The following ADSS2 variants were observed in gnomAD, a reference collection of about 807,000 sequenced individuals.
The protein encoded by ADSS2 is adenylosuccinate synthase 2, also known as adenylosuccinate synthetase isozyme 2.
A neutral mutation model predicts 60.0 loss-of-function variants in ADSS2; 30 were observed. That is an observed-to-expected ratio of 0.50 (90% confidence interval 0.37 to 0.68). The LOEUF is 0.68. Ranked by LOEUF, ADSS2 falls within the 30% of genes least tolerant of loss-of-function variation. ADSS2 has a pLI of 0.00. For missense variants in ADSS2, 373 were observed against 554.8 expected (o/e 0.67, Z 3.29); for synonymous variants, 187 against 193.1 (o/e 0.97, Z 0.26).
intron 1 of ADSS2, among the ~76,000 whole-genome samples, chr1:244,443,027 G>A (rs1249683908): frequency 1.2e-4 from 18 of 152,112 alleles, no homozygotes. Context: ...GCTCCTACAT[G>A]GGCCCATGGG....
At chr1:244,419,271 C>T (rs758352766) in intron 8 of ADSS2, 11 of 161,982 alleles carry the variant, frequency 6.8e-5, no homozygotes, top group Non-Finnish European at 1.5e-4. Context: ...AAATATGACT[C>T]CCTCATACGA....
chr1:244,429,853 G>T (rs1376213476), intron 4 of ADSS2, among the ~76,000 whole-genome samples: 2 of 152,028 alleles, frequency 1.3e-5, no homozygotes, highest in African/African-American at 4.8e-5. Flanking sequence ...TTGCACTCCC[G>T]CCTGGGTGAC....
chr1:244,437,814 C>G, intron 1 of ADSS2, 46 bp from the exon 2 acceptor site: 1 of 1,353,714 alleles, frequency 7.4e-7, no homozygotes, highest in Non-Finnish European at 1.1e-6. Context: ...ATAAATACTA[C>G]AAATAACCTA....
rs142770938 is a variant in ADSS2 at position 244,409,561 on chromosome 1, G to A, written c.*25C>T. 3.6e-3 allele frequency: 5,648 copies of A among 1,571,548 alleles called. 15 individuals carry two copies. The highest frequency in any genetic ancestry group is 3.9e-3 in the Non-Finnish European group (4,466 of 1,143,034). On this transcript the variant is annotated 3_prime_UTR_variant, in exon 13 of 13. Transcript: ENST00000366535. ...AGTCTTTTCCCCTCCCTCTCAAGGA[G>A]TGTTTCTTGCATTACTGGCAATCAT...
intron 2 of ADSS2, 62 bp downstream of exon 2, chr1:244,437,604 A>C: frequency 8.3e-7 from 1 of 1,200,408 alleles, no homozygotes; most frequent in South Asian, 1.3e-5. Flanking sequence ...TGACAATAAA[A>C]AATAAACGCC....
At chr1:244,429,943 C>T (rs1664897242) in intron 4 of ADSS2, among the ~76,000 whole-genome samples, 1 of 149,100 alleles carries the variant, frequency 6.7e-6, no homozygotes. Flanking sequence ...TTTAAGGGCC[C>T]TGGGAAGTGA....
At chr1:244,433,306 T>C (rs368047464) in intron 3 of ADSS2, among the ~76,000 whole-genome samples, 1 of 152,230 alleles carries the variant, frequency 6.6e-6, no homozygotes, top group African/African-American at 2.4e-5. Flanking sequence ...TTCTTCTGTA[T>C]AGGAAACATC....
intron 1 of ADSS2, among the ~76,000 whole-genome samples, chr1:244,442,444 C>A (rs891902745): frequency 1.3e-5 from 2 of 152,128 alleles, no homozygotes; most frequent in African/African-American, 4.8e-5. Context: ...AAAATAGCAA[C>A]ATTTTTCAAT....
chr1:244,416,285 T>C (rs186647965), intron 10 of ADSS2, among the ~76,000 whole-genome samples: 1 of 152,350 alleles, frequency 6.6e-6, no homozygotes, highest in Non-Finnish European at 1.5e-5. Context: ...CTAGTAATTG[T>C]AACAGATTTT....
chr1:244,438,022 T>C (rs1479107225), intron 1 of ADSS2, among the ~76,000 whole-genome samples: 1 of 152,168 alleles, frequency 6.6e-6, no homozygotes, highest in Non-Finnish European at 1.5e-5. Context: ...CAGAAAATCA[T>C]ATTCCTTCTT....
intron 1 of ADSS2, 37 bp from the exon 2 acceptor site, chr1:244,437,805 T>C (rs1665140886): frequency 7.0e-7 from 1 of 1,419,412 alleles, no homozygotes; most frequent in East Asian, 2.3e-5. Context: ...AGCCTGATGA[T>C]AAATACTACA....
upstream of ADSS2, chr1:244,452,048 C>T (rs1400942539): frequency 5.3e-6 from 2 of 380,788 alleles, no homozygotes; most frequent in African/African-American, 2.1e-5. Flanking sequence ...GGCAGCACCG[C>T]CCGCAGGAAG....
At position 244,451,596 on chromosome 1, in the gene ADSS2, C is replaced by T. The variant is rs1665606954; in HGVS notation, c.183+39G>A. The T allele has an allele frequency of 1.3e-6, 2 of 1,572,782 alleles. No individual in the cohort carries two copies. Among genetic ancestry groups the T allele is most frequent in the Non-Finnish European group, 1.7e-6 (2 of 1,160,240 alleles). On this transcript the variant is annotated intron_variant, in intron 1 of 12. Transcript: ENST00000366535. The surrounding 1 kb of genome is among the most constrained non-coding windows in gnomAD (Gnocchi z 6.6). ...CACCAGGAGCCAGGCAGCCCGAGCT[C>T]CCGGGCCCGGCTTCCCATGAGAGGC...
chr1:244,424,296 CA>C, intron 5 of ADSS2, 24 bp downstream of exon 5: 3 of 1,608,140 alleles, frequency 1.9e-6, no homozygotes, highest in South Asian at 2.2e-5. Context: ...TAAACTGTAC[CA>C]AAAAAACAAA....
chr1:244,429,270 T>C (rs1272288670), intron 4 of ADSS2, among the ~76,000 whole-genome samples: 1 of 152,230 alleles, frequency 6.6e-6, no homozygotes, highest in African/African-American at 2.4e-5. Context: ...GTTTTTTCCA[T>C]TGTACTACGC....
chr1:244,411,897 T>C (rs1218520441), intron 11 of ADSS2, among the ~76,000 whole-genome samples: 1 of 152,176 alleles, frequency 6.6e-6, no homozygotes, highest in African/African-American at 2.4e-5. Context: ...TTCTACGTAT[T>C]TTCTCTGTAT....
intron 12 of ADSS2, 76 bp from the exon 13 acceptor site, chr1:244,409,714 T>A (rs1295995952): frequency 8.6e-7 from 1 of 1,162,526 alleles, no homozygotes; most frequent in Non-Finnish European, 1.3e-6. Flanking sequence ...AAACAGGTAG[T>A]CCCCTACTTT....
chr1:244,428,661 T>C (rs1664863174), intron 4 of ADSS2, among the ~76,000 whole-genome samples: 2 of 148,980 alleles, frequency 1.3e-5, no homozygotes, highest in South Asian at 2.1e-4. Flanking sequence ...AAACAGAAAA[T>C]AGAGAAAATG....
chr1:244,436,481 G>A (rs1396160444), intron 3 of ADSS2, among the ~76,000 whole-genome samples: 4 of 152,182 alleles, frequency 2.6e-5, no homozygotes, highest in Non-Finnish European at 5.9e-5. Context: ...TTGTAGCAAC[G>A]AAAGGAGAGC....
Sources: gnomAD v4.1 joint callset for allele counts (sites outside exome capture counted in the v4.1 genomes callset) on GRCh38, gnomAD v4.1.1 for gene constraint, Gnocchi (gnomAD v3.1) non-coding constraint, MANE v1.5 for transcripts, NCBI Gene and HGNC (gene_info 2026-07-23, HGNC 2026-07-21) for gene names.